The following MAGI2 variants were observed in gnomAD, a reference collection of about 807,000 sequenced individuals.
MAGI2 encodes membrane-associated guanylate kinase, WW and PDZ domain-containing protein 2.
Under a neutral mutation model 133.3 loss-of-function variants are expected in MAGI2, and 35 were observed. That is an observed-to-expected ratio of 0.26 (90% CI 0.20 to 0.35). MAGI2 has a LOEUF of 0.35. MAGI2 is among the 10% of genes least tolerant of loss of function. MAGI2 has a pLI of 1.00. For synonymous variants in MAGI2, 729 were observed against 710.6 expected (o/e 1.03, Z -0.41); for missense variants, 1,636 against 1,863.4 (o/e 0.88, Z 2.25).
intron 6 of MAGI2, among the ~76,000 whole-genome samples, chr7:78,417,118 T>C (rs1798373715): frequency 6.6e-6 from 1 of 152,096 alleles, no homozygotes; most frequent in Admixed American, 6.6e-5. Context: ...TCTCTACTAT[T>C]TCTGGTAAGT....
At chr7:78,310,377 G>T (rs1269552198) in intron 9 of MAGI2, among the ~76,000 whole-genome samples, 2 of 152,208 alleles carry the variant, frequency 1.3e-5, no homozygotes, top group Admixed American at 1.3e-4. Context: ...GGGGGTTGCA[G>T]TGAGCTGAGA....
At chr7:78,042,157 T>C (rs936385141) in intron 21 of MAGI2, among the ~76,000 whole-genome samples, 3 of 152,174 alleles carry the variant, frequency 2.0e-5, no homozygotes, top group Admixed American at 6.5e-5. Flanking sequence ...CCTTGATTAA[T>C]AAAGGAAGGT....
chr7:78,710,509 T>C (rs1177273689), intron 2 of MAGI2, among the ~76,000 whole-genome samples: 1 of 151,710 alleles, frequency 6.6e-6, no homozygotes, highest in Non-Finnish European at 1.5e-5. Context: ...AAGCTTAATC[T>C]CTGAATGAAT....
chr7:78,517,769 A>G (rs1796160172), intron 4 of MAGI2, among the ~76,000 whole-genome samples: 1 of 152,174 alleles, frequency 6.6e-6, no homozygotes. Flanking sequence ...ATATGGTTTT[A>G]CTAGGTGCCA....
At chr7:79,271,725 T>G (rs75591315) in intron 1 of MAGI2, among the ~76,000 whole-genome samples, 3,223 of 150,856 alleles carry the variant, frequency 0.021, 127 homozygotes, top group African/African-American at 0.073. Context: ...TTTTAACGGT[T>G]GCCACCACAC....
intron 6 of MAGI2, among the ~76,000 whole-genome samples, chr7:78,465,251 T>C (rs1460898866): frequency 6.6e-6 from 1 of 152,150 alleles, no homozygotes; most frequent in Non-Finnish European, 1.5e-5. Context: ...AGGTAGGTCA[T>C]TCAAAGTCAT....
intron 9 of MAGI2, among the ~76,000 whole-genome samples, chr7:78,262,325 CTG>C (rs1177762631): frequency 1.3e-5 from 2 of 152,122 alleles, no homozygotes; most frequent in African/African-American, 2.4e-5. Context: ...ATAAATGACA[CTG>C]TGAATAAAAA....
intron 7 of MAGI2, chr7:78,358,171 A>AAT: frequency 2.0e-5 from 1 of 50,818 alleles, no homozygotes; most frequent in East Asian, 4.4e-4. Context: ...TCAAAAAAAA[A>AAT]AAAAAAAAAA....
At chr7:78,534,388 G>A (rs1335762628) in intron 3 of MAGI2, among the ~76,000 whole-genome samples, 4 of 152,192 alleles carry the variant, frequency 2.6e-5, no homozygotes, top group African/African-American at 7.2e-5. Context: ...TTGCTCCAAT[G>A]TTCTTAAACT....
chr7:79,167,405 A>T (rs1480611390), intron 1 of MAGI2, among the ~76,000 whole-genome samples: 1 of 135,392 alleles, frequency 7.4e-6, no homozygotes, highest in Non-Finnish European at 1.5e-5. Context: ...GGCAAAAAAA[A>T]AAAAAAAAAA....
At chr7:79,127,263 G>A (rs1003107750) in intron 1 of MAGI2, among the ~76,000 whole-genome samples, 3 of 152,116 alleles carry the variant, frequency 2.0e-5, no homozygotes, top group Non-Finnish European at 4.4e-5. Context: ...ATAAACATAC[G>A]TGTGCATGTG....
intron 2 of MAGI2, among the ~76,000 whole-genome samples, chr7:78,750,331 G>A (rs916691280): frequency 8.5e-5 from 13 of 152,106 alleles, no homozygotes; most frequent in African/African-American, 3.1e-4. Flanking sequence ...GAACAGTGCT[G>A]CAATAAACAT....
chr7:78,026,971 C>T (rs1403323151), intron 21 of MAGI2, among the ~76,000 whole-genome samples: 1 of 152,112 alleles, frequency 6.6e-6, no homozygotes, highest in Non-Finnish European at 1.5e-5. Context: ...AATGTATTAA[C>T]TCATGTTAAT....
At chr7:78,946,240 T>G (rs1237922009) in intron 2 of MAGI2, among the ~76,000 whole-genome samples, 1 of 152,164 alleles carries the variant, frequency 6.6e-6, no homozygotes, top group Non-Finnish European at 1.5e-5. Context: ...ACTTCAGTCT[T>G]CAGGCTTTAA....
intron 3 of MAGI2, among the ~76,000 whole-genome samples, chr7:78,552,398 G>A (rs1340014024): frequency 6.6e-6 from 1 of 151,858 alleles, no homozygotes; most frequent in Non-Finnish European, 1.5e-5. Context: ...GGTCAGGCTG[G>A]TCTTGAACTC....
At position 78,281,884 on chromosome 7, in the gene MAGI2, C is replaced by CA. The variant is rs60871451; in HGVS notation, c.1409-25304dup. ...AATAAGATGGAGCAAAACTCCATCT[C>CA]AAAAAAAAAAAAAGGAGAAAACTTG... On this transcript the variant is annotated intron_variant, in intron 9 of 21. Coordinates refer to ENST00000354212, the MANE Select transcript of MAGI2 (RefSeq NM_012301.4). Among the ~76,000 whole-genome samples, 1,091 of 139,676 alleles carry CA rather than the reference C, an allele frequency of 7.8e-3. 15 individuals carry two copies. The highest frequency in any genetic ancestry group is 0.022 in the African/African-American group (833 of 38,618). The allele number at this position is 139,676 out of a possible 152,430, so 91.6% of individuals were successfully genotyped here.
chr7:78,893,564 GT>G (rs1796948459), intron 2 of MAGI2, among the ~76,000 whole-genome samples: 3 of 152,122 alleles, frequency 2.0e-5, no homozygotes, highest in Non-Finnish European at 4.4e-5. Flanking sequence ...AAAATGATGA[GT>G]TCATGTCCTT....
chr7:79,319,093 A>AT (rs982516063), intron 1 of MAGI2, among the ~76,000 whole-genome samples: 8 of 152,094 alleles, frequency 5.3e-5, no homozygotes, highest in African/African-American at 1.7e-4. Flanking sequence ...TCAATCTCTG[A>AT]TTTTTGAGGC....
intron 2 of MAGI2, among the ~76,000 whole-genome samples, chr7:78,794,142 G>A (rs1386695695): frequency 1.3e-5 from 2 of 152,076 alleles, no homozygotes; most frequent in East Asian, 1.9e-4. Flanking sequence ...TATCCCTTTG[G>A]TAATAATAAT....
Sources: allele counts gnomAD v4.1 joint callset (sites outside exome capture counted in the v4.1 genomes callset), GRCh38; gene constraint gnomAD v4.1.1; transcripts MANE v1.5; gene names NCBI Gene and HGNC (gene_info 2026-07-23, HGNC 2026-07-21).